Variants in ANKFN1 observed in about 807,000 individuals in gnomAD.
ANKFN1 encodes the protein ankyrin repeat and fibronectin type-III domain-containing protein 1.
Under a neutral mutation model 108.7 loss-of-function variants are expected in ANKFN1, and 74 were observed. The observed-to-expected ratio is 0.68, with a 90% CI of 0.56 to 0.83. ANKFN1 has a LOEUF of 0.83. ANKFN1 is among the 40% of genes least tolerant of loss of function. ANKFN1 has a pLI of 0.00. For synonymous variants in ANKFN1, 547 were observed against 516.2 expected, an observed-to-expected ratio of 1.06 and a Z score of -0.81; for missense variants, 1,505 against 1,382.3, an observed-to-expected ratio of 1.09 and a Z score of -1.41.
chr17:56,470,119 C>T (rs1369099532), intron 15 of ANKFN1, among the ~76,000 whole-genome samples: 2 of 152,190 alleles, frequency 1.3e-5, no homozygotes, highest in Non-Finnish European at 2.9e-5. Flanking sequence ...GACATGATCT[C>T]ATTCCTTCTT....
At chr17:56,467,297 C>A (rs905944025) in intron 15 of ANKFN1, among the ~76,000 whole-genome samples, 12 of 151,966 alleles carry the variant, frequency 7.9e-5, no homozygotes, top group African/African-American at 2.9e-4. Flanking sequence ...TGTGTATGTA[C>A]AAAAACACTC....
intron 14 of ANKFN1, among the ~76,000 whole-genome samples, chr17:56,463,137 C>T (rs1311060189): frequency 2.0e-5 from 3 of 152,190 alleles, no homozygotes; most frequent in African/African-American, 7.2e-5. Context: ...ATTTATTTAA[C>T]AGACTAGGTG....
At chr17:56,449,452 C>T (rs1437368014) in intron 11 of ANKFN1, among the ~76,000 whole-genome samples, 2 of 152,028 alleles carry the variant, frequency 1.3e-5, no homozygotes, top group African/African-American at 4.8e-5. Context: ...GCCATGAGTT[C>T]CCTTCTCTCG....
At chr17:56,059,112 TTAA>T (rs1230286966) in intron 4 of ANKFN1, among the ~76,000 whole-genome samples, 1 of 152,250 alleles carries the variant, frequency 6.6e-6, no homozygotes, top group Non-Finnish European at 1.5e-5. Context: ...TCTTGACTTT[TTAA>T]TAATCTCCAT....
intron 1 of ANKFN1, among the ~76,000 whole-genome samples, chr17:56,180,512 C>T (rs1246422236): frequency 6.6e-6 from 1 of 152,130 alleles, no homozygotes; most frequent in African/African-American, 2.4e-5. Context: ...GATGACACTA[C>T]TGAAAATCAC....
At chr17:56,271,815 TGCCC>T (rs1471815403) in intron 3 of ANKFN1, among the ~76,000 whole-genome samples, 2 of 152,202 alleles carry the variant, frequency 1.3e-5, no homozygotes, top group Non-Finnish European at 2.9e-5. Context: ...GCCTACATCC[TGCCC>T]CTGAAAGTCA....
rs78476456 is a variant in ANKFN1 at position 56,467,050 on chromosome 17, G to A, written c.1773+479G>A. On this transcript the variant is annotated intron_variant, in intron 15 of 20. Transcript: ENST00000682825. ...GGAGAATCGCTGGAACCTGGGAGGC[G>A]GGTTGCAGTGAGCCAAGATTGTGCG... is the stretch of plus-strand genomic sequence containing the variant. Among the ~76,000 whole-genome samples the A allele has an allele frequency of 9.7e-3, 1,483 of 152,128 alleles. 13 individuals are homozygous for A. The highest frequency in any genetic ancestry group is 0.014 in the Non-Finnish European group (979 of 67,988).
rs147141502 is a variant in ANKFN1, at chr17:56,352,718, A to G, written c.391-1118A>G. ...CCCAAAACCAATTTGCCATCCAGCC[A>G]TTGAAACCCTCCCTGAACACTACCA... On this transcript the variant is annotated intron_variant, in intron 5 of 20. Coordinates refer to ENST00000682825, the MANE Select transcript of ANKFN1 (RefSeq NM_001370326.1). 9.7e-3 allele frequency among the ~76,000 whole-genome samples: 1,475 copies of G among 152,308 alleles called. 25 individuals carry two copies. The highest frequency in any genetic ancestry group is 0.033 in the African/African-American group (1,388 of 41,564).
intron 4 of ANKFN1, among the ~76,000 whole-genome samples, chr17:56,123,835 GAC>G (rs1318700481): frequency 7.5e-6 from 1 of 133,480 alleles, no homozygotes; most frequent in Non-Finnish European, 1.7e-5. Flanking sequence ...GACAGAGAGA[GAC>G]ACAGAGAGAG....
At chr17:56,190,655 G>C (rs1310549692) in intron 1 of ANKFN1, among the ~76,000 whole-genome samples, 5 of 88,066 alleles carry the variant, frequency 5.7e-5, no homozygotes, top group South Asian at 6.0e-4. Context: ...TTTTGGAATA[G>C]GTGTGGTGTG....
rs78090798 is a variant in ANKFN1 at position 56,423,979 on chromosome 17, G to A, written c.911-16348G>A. Among the ~76,000 whole-genome samples the A allele has an allele frequency of 2.8e-4, 43 of 152,334 alleles. No individual in the cohort carries two copies. The East Asian group carries it at 8.3e-3, about 29-fold the overall frequency. Reference sequence around the variant, plus strand: ...CATAAAGATGTTTTTAAACTGGAAAGTGTCATTAAAATGCAGTAATTACTA... The same window carrying A: ...CATAAAGATGTTTTTAAACTGGAAAATGTCATTAAAATGCAGTAATTACTA... On this transcript the variant is annotated intron_variant, in intron 8 of 20. Transcript: ENST00000682825.
At chr17:56,127,062 G>A (rs1312348194) in intron 4 of ANKFN1, among the ~76,000 whole-genome samples, 1 of 152,160 alleles carries the variant, frequency 6.6e-6, no homozygotes. Context: ...GGTCCAGATT[G>A]GCTCATAGCA....
intron 15 of ANKFN1, 140 bp from the exon 16 acceptor site, chr17:56,477,348 A>G: frequency 5.4e-6 from 4 of 742,162 alleles, no homozygotes; most frequent in Non-Finnish European, 8.0e-6. Flanking sequence ...CATTCATGGT[A>G]TACCTGAGGT....
intron 6 of ANKFN1, among the ~76,000 whole-genome samples, chr17:56,354,251 C>A (rs1466571191): frequency 6.6e-6 from 1 of 152,062 alleles, no homozygotes; most frequent in Non-Finnish European, 1.5e-5. Context: ...ATAGAATATG[C>A]CGAATGGCAT....
chr17:56,477,455 G>GTTTTTTTT, intron 15 of ANKFN1, 33 bp from the exon 16 acceptor site: 1 of 1,450,892 alleles, frequency 6.9e-7, no homozygotes, highest in Non-Finnish European at 9.1e-7. Flanking sequence ...TTGTTTTCTT[G>GTTTTTTTT]TTTTCTTTTT....
At chr17:56,119,228 A>C (rs764335948) in intron 4 of ANKFN1, among the ~76,000 whole-genome samples, 4 of 152,138 alleles carry the variant, frequency 2.6e-5, no homozygotes, top group Non-Finnish European at 1.5e-5. Context: ...ACCTTCTAGG[A>C]CTAGACCTTG....
intron 3 of ANKFN1, among the ~76,000 whole-genome samples, chr17:56,300,242 A>T (rs2044634430): frequency 6.6e-6 from 1 of 152,176 alleles, no homozygotes; most frequent in Non-Finnish European, 1.5e-5. Flanking sequence ...GAGTTTGTAA[A>T]TTAGCACATT....
intron 1 of ANKFN1, among the ~76,000 whole-genome samples, chr17:56,172,973 A>G (rs61636391): frequency 0.14 from 20,589 of 152,110 alleles, 2,010 homozygotes; most frequent in African/African-American, 0.26. Context: ...TTCAGTCCCC[A>G]CCACTGTGAT....
intron 3 of ANKFN1, among the ~76,000 whole-genome samples, chr17:56,287,914 C>T (rs1196753707): frequency 6.6e-6 from 1 of 152,044 alleles, no homozygotes; most frequent in Non-Finnish European, 1.5e-5. Flanking sequence ...TTTGAGTGGG[C>T]CAAGCTTTGA....
Sources: allele counts gnomAD v4.1 joint callset (sites outside exome capture counted in the v4.1 genomes callset), GRCh38; gene constraint gnomAD v4.1.1; transcripts MANE v1.5; gene names NCBI Gene and HGNC (gene_info 2026-07-23, HGNC 2026-07-21).